PLEKHG1: variants seen among roughly 807,000 people sequenced by gnomAD.
PLEKHG1 encodes pleckstrin homology and RhoGEF domain containing G1.
PLEKHG1 carries 44 observed loss-of-function variants against 100.8 expected under a neutral mutation model. The ratio of observed to expected loss-of-function variants is 0.44; its 90% confidence interval spans 0.34 to 0.56. The LOEUF is 0.56. Ranked by LOEUF, PLEKHG1 falls within the 20% of genes least tolerant of loss-of-function variation. The pLI is 0.01. For missense variants in PLEKHG1, 1,545 were observed against 1,720.9 expected (o/e 0.90, Z 1.81); for synonymous variants, 640 against 662.5 (o/e 0.97, Z 0.52).
chr6:150,842,012 T>C (rs760498647), exon 16 of PLEKHG1: 6 of 152,224 alleles, frequency 3.9e-5, no homozygotes, highest in Non-Finnish European at 5.9e-5. Flanking sequence ...ATGAAATCTT[T>C]GGTTACTAGG....
intron 4 of PLEKHG1, among the ~76,000 whole-genome samples, chr6:150,795,093 A>ATGGT (rs1786237514): frequency 6.6e-6 from 1 of 152,186 alleles, no homozygotes; most frequent in African/African-American, 2.4e-5. Flanking sequence ...CTCTTTTTCA[A>ATGGT]AATATAATTT....
intron 2 of PLEKHG1, among the ~76,000 whole-genome samples, chr6:150,763,518 C>T (rs1784291591): frequency 6.6e-6 from 1 of 152,186 alleles, no homozygotes; most frequent in African/African-American, 2.4e-5. Context: ...TGTCTCCTGT[C>T]ACCACAAACC....
At chr6:150,718,265 C>T (rs183546738), upstream of PLEKHG1, among the ~76,000 whole-genome samples, 409 of 152,142 alleles carry the variant, frequency 2.7e-3, no homozygotes, top group African/African-American at 9.5e-3. Context: ...AAACCAGCAG[C>T]GCACCTCCAA....
exon 2 of PLEKHG1, chr6:150,734,072 G>T (rs778988506): frequency 3.1e-6 from 5 of 1,611,134 alleles, no homozygotes; most frequent in Non-Finnish European, 4.2e-6. Context: ...TTATGTACAA[G>T]ATTTAAAAAG....
At chr6:150,608,445 T>C (rs1582800451) in intron 1 of PLEKHG1, among the ~76,000 whole-genome samples, 2 of 152,238 alleles carry the variant, frequency 1.3e-5, no homozygotes, top group East Asian at 1.9e-4. Flanking sequence ...CAGGTATTTA[T>C]TCTTCTTACA....
chr6:150,760,325 T>C (rs1202006311), intron 2 of PLEKHG1, among the ~76,000 whole-genome samples: 3 of 152,204 alleles, frequency 2.0e-5, no homozygotes, highest in African/African-American at 4.8e-5. Context: ...TTACCTGGCC[T>C]GGGACCTGGA....
At chr6:150,811,063 TC>T (rs1787496847) in intron 10 of PLEKHG1, among the ~76,000 whole-genome samples, 2 of 152,024 alleles carry the variant, frequency 1.3e-5, no homozygotes, top group East Asian at 1.9e-4. Flanking sequence ...CTGTGCTGGG[TC>T]CCATGAGGGT....
intron 2 of PLEKHG1, among the ~76,000 whole-genome samples, chr6:150,645,067 A>G (rs1004768518): frequency 6.6e-6 from 1 of 152,194 alleles, no homozygotes; most frequent in African/African-American, 2.4e-5. Flanking sequence ...GGATTTAGCA[A>G]TGTTATTTAT....
chr6:150,659,729 C>T (rs573406043), intron 3 of PLEKHG1, among the ~76,000 whole-genome samples: 1 of 152,310 alleles, frequency 6.6e-6, no homozygotes, highest in Non-Finnish European at 1.5e-5. Flanking sequence ...ATCAGTTAGC[C>T]TCTGAACAAT....
chr6:150,675,239 C>G (rs547430060), intron 3 of PLEKHG1, among the ~76,000 whole-genome samples: 1 of 152,200 alleles, frequency 6.6e-6, no homozygotes, highest in East Asian at 1.9e-4. Flanking sequence ...CCCTTCAGTC[C>G]CCTCTCTGTT....
chr6:150,665,144 C>T (rs953170497), intron 3 of PLEKHG1, among the ~76,000 whole-genome samples: 4 of 152,122 alleles, frequency 2.6e-5, no homozygotes, highest in South Asian at 4.1e-4. Context: ...AAACTGGGTT[C>T]CAGACTTGAA....
intron 3 of PLEKHG1, among the ~76,000 whole-genome samples, chr6:150,691,846 T>C (rs915775738): frequency 6.6e-6 from 1 of 152,244 alleles, no homozygotes; most frequent in Non-Finnish European, 1.5e-5. Context: ...AAATATTTAC[T>C]GAGGACTTGG....
Position 150,800,666 on chromosome 6 carries a change from A to C in PLEKHG1, c.630-53A>C, listed in dbSNP as rs1786638330. ...CACTTGCAATAGCATTTAAAATTTG[A>C]ATACCCACATAAAGCATTACAATTT... is the stretch of plus-strand genomic sequence containing the variant. On this transcript the variant is annotated intron_variant, in intron 5 of 15. Transcript: ENST00000358517. 3 of 1,548,524 alleles carry C rather than the reference A, an allele frequency of 1.9e-6. No individual in the cohort carries two copies. In the Admixed American group the frequency reaches 5.2e-5, roughly 27 times the overall value.
intron 2 of PLEKHG1, among the ~76,000 whole-genome samples, chr6:150,747,279 A>G (rs12664155): frequency 0.094 from 14,279 of 152,238 alleles, 732 homozygotes; most frequent in Admixed American, 0.15. Context: ...TCCAAAGTGA[A>G]GTGTTACTTG....
intron 1 of PLEKHG1, among the ~76,000 whole-genome samples, chr6:150,725,211 T>C (rs564335555): frequency 6.6e-6 from 1 of 152,206 alleles, no homozygotes; most frequent in Non-Finnish European, 1.5e-5. Context: ...GCAAACAAGC[T>C]CCCTCTGTCC....
At chr6:150,784,593 G>A (rs1443576013) in intron 3 of PLEKHG1, among the ~76,000 whole-genome samples, 1 of 152,124 alleles carries the variant, frequency 6.6e-6, no homozygotes, top group Admixed American at 6.5e-5. Context: ...CATTAGGATG[G>A]TGTTGAAGAA....
At position 150,831,881 on chromosome 6, in the gene PLEKHG1, A is replaced by G. The variant is rs1776957973; in HGVS notation, c.2770A>G (p.Lys924Glu). The G allele has an allele frequency of 1.2e-6, 2 of 1,614,028 alleles. No individual in the cohort carries two copies. The highest frequency in any genetic ancestry group is 8.5e-7 in the Non-Finnish European group (1 of 1,179,912). Reference sequence around the variant, plus strand: ...CCCCTTTGAGGAAGACCTGATTTCTAAAGAAGGCTCCTTTATGAGCCTTAA... The same window carrying G: ...CCCCTTTGAGGAAGACCTGATTTCTGAAGAAGGCTCCTTTATGAGCCTTAA... The change falls in exon 15 of 16, where the codon AAA (lysine) becomes GAA (glutamate). Residue 924 changes from lysine to glutamate, a missense_variant. By Grantham distance (56) the Lys-to-Glu change is moderately conservative. Coordinates refer to ENST00000358517, the Ensembl canonical transcript of PLEKHG1. This position sits in a 1 kb window ranked among gnomAD's most constrained non-coding sequence, Gnocchi z 4.1.
chr6:150,715,474 T>TG (rs1781391615), intron 3 of PLEKHG1, among the ~76,000 whole-genome samples: 1 of 137,666 alleles, frequency 7.3e-6, no homozygotes, highest in African/African-American at 2.8e-5. Context: ...CGTTCATCAC[T>TG]ATTTTTTTTC....
rs1306809857 is a variant in PLEKHG1 at position 150,688,602 on chromosome 6, G to A, written c.-99+37816G>A. Among the ~76,000 whole-genome samples the A allele has an allele frequency of 2.0e-5, 3 of 151,978 alleles. No individual in the cohort carries two copies. The East Asian group carries it at 5.8e-4, about 29-fold the overall frequency. ...CTCCCAAAGAGGCCTTCTCTCTTTG[G>A]GATTACAGCCATAAGCCACCAAGCC... On this transcript the variant is annotated intron_variant, in intron 3 of 3. Coordinates refer to the PLEKHG1 transcript ENST00000367326.
Sources: gnomAD v4.1 joint callset for allele counts (sites outside exome capture counted in the v4.1 genomes callset) on GRCh38, gnomAD v4.1.1 for gene constraint, Gnocchi (gnomAD v3.1) non-coding constraint, MANE v1.5 for transcripts, NCBI Gene and HGNC (gene_info 2026-07-23, HGNC 2026-07-21) for gene names.